SHTN1: variants seen among roughly 807,000 people sequenced by gnomAD.
SHTN1 encodes shootin 1.
Under a neutral mutation model 83.1 loss-of-function variants are expected in SHTN1, and 42 were observed. That is an observed-to-expected ratio of 0.51 (90% CI 0.39 to 0.65). The LOEUF (loss-of-function observed/expected upper bound fraction) is 0.65. SHTN1 is among the 30% of genes least tolerant of loss of function. The pLI, the probability that SHTN1 is intolerant of heterozygous loss-of-function variation, is 0.00. For synonymous variants in SHTN1, 224 were observed against 247.7 expected, an observed-to-expected ratio of 0.90 and a Z score of 0.90; for missense variants, 622 against 737.8, an observed-to-expected ratio of 0.84 and a Z score of 1.82.
chr10:117,050,223 ACAAT>A (rs997771410), intron 1 of SHTN1, among the ~76,000 whole-genome samples: 4 of 152,158 alleles, frequency 2.6e-5, no homozygotes, highest in African/African-American at 7.2e-5. Context: ...TCATTGGAAA[ACAAT>A]CAATAAAACT....
At chr10:117,020,815 G>C (rs1160933793) in intron 2 of SHTN1, among the ~76,000 whole-genome samples, 7 of 152,056 alleles carry the variant, frequency 4.6e-5, no homozygotes, top group Non-Finnish European at 1.0e-4. Flanking sequence ...AAATTTGACT[G>C]TAAAAATTAA....
At chr10:117,107,993 T>C (rs1295521428) in intron 1 of SHTN1, among the ~76,000 whole-genome samples, 1 of 152,176 alleles carries the variant, frequency 6.6e-6, no homozygotes, top group African/African-American at 2.4e-5. Flanking sequence ...ACCTGGCCTA[T>C]TAAAACTTTT....
chr10:116,884,094 C>G lies in SHTN1; in HGVS notation c.*2250G>C. 2.5e-6 allele frequency: 1 copy of G among 401,272 alleles called. No homozygotes were observed. The highest frequency in any genetic ancestry group is 2.7e-5 in the Admixed American group (1 of 37,322). 24.9% of individuals were successfully genotyped at this position (401,272 alleles called of 1,614,324 possible). A position where few individuals can be genotyped will look rare whatever the true frequency, so the allele number is the denominator to read the frequency against. On this transcript the variant is annotated 3_prime_UTR_variant, in exon 17 of 17. Transcript: ENST00000355371. ...CCCAAACAGAAGGAAGCATAAATAA[C>G]CTTTTAGAGAAATCAAAAACATAAA...
chr10:117,105,892 T>C (rs1853661856), intron 1 of SHTN1, among the ~76,000 whole-genome samples: 1 of 152,116 alleles, frequency 6.6e-6, no homozygotes, highest in African/African-American at 2.4e-5. Context: ...AGTGTGCCTG[T>C]TGTCCTAACT....
intron 14 of SHTN1, among the ~76,000 whole-genome samples, chr10:116,908,147 C>A (rs949926228): frequency 6.6e-6 from 1 of 151,432 alleles, no homozygotes; most frequent in Non-Finnish European, 1.5e-5. Flanking sequence ...AGGGAGGAAA[C>A]TGACTAACAA....
chr10:117,005,233 G>A (rs1364315928), upstream of SHTN1: 2 of 1,493,524 alleles, frequency 1.3e-6, no homozygotes, highest in Non-Finnish European at 1.8e-6. Context: ...CGCGGAGCGC[G>A]CGAGTGAGAT....
intron 1 of SHTN1, among the ~76,000 whole-genome samples, chr10:117,089,299 A>G (rs926584338): frequency 6.6e-6 from 1 of 152,204 alleles, no homozygotes. Context: ...ACCTTTATGT[A>G]AGTCATATCA....
intron 9 of SHTN1, among the ~76,000 whole-genome samples, chr10:116,935,450 T>C (rs541662814): frequency 1.3e-5 from 2 of 152,354 alleles, no homozygotes; most frequent in East Asian, 3.9e-4. Flanking sequence ...TGGTTCTGTT[T>C]ATGTGATGGA....
At chr10:117,020,013 CT>C (rs1301405664) in intron 2 of SHTN1, among the ~76,000 whole-genome samples, 1 of 151,982 alleles carries the variant, frequency 6.6e-6, no homozygotes, top group Non-Finnish European at 1.5e-5. Flanking sequence ...TTCCAGCAGG[CT>C]TTTTTGTAGA....
chr10:117,024,415 C>T (rs1187580840), intron 2 of SHTN1, among the ~76,000 whole-genome samples: 9 of 133,380 alleles, frequency 6.7e-5, no homozygotes, highest in Non-Finnish European at 1.2e-4. Flanking sequence ...AGTGCAGTGG[C>T]GCAGTCTCGG....
At chr10:116,995,710 C>T (rs541465465) in intron 1 of SHTN1, among the ~76,000 whole-genome samples, 18 of 152,070 alleles carry the variant, frequency 1.2e-4, no homozygotes, top group African/African-American at 2.9e-4. Flanking sequence ...ATGAGAATGT[C>T]GTATTTTCTG....
At chr10:116,900,411 CA>C in intron 16 of SHTN1, 1 of 804,476 alleles carries the variant, frequency 1.2e-6, no homozygotes, top group South Asian at 1.6e-5. Context: ...CAATTCAACA[CA>C]TATTTTGCAG....
intron 13 of SHTN1, among the ~76,000 whole-genome samples, chr10:116,912,792 C>A (rs939984176): frequency 6.6e-6 from 1 of 152,028 alleles, no homozygotes; most frequent in Non-Finnish European, 1.5e-5. Context: ...CCTCTTATTC[C>A]TGGAAAAGAG....
intron 1 of SHTN1, among the ~76,000 whole-genome samples, chr10:117,048,786 C>G (rs1490629995): frequency 1.3e-5 from 2 of 152,140 alleles, no homozygotes; most frequent in Non-Finnish European, 2.9e-5. Context: ...AGGTAATACC[C>G]AGCCATTAGC....
intron 2 of SHTN1, among the ~76,000 whole-genome samples, chr10:117,027,548 G>T (rs1440763968): frequency 6.6e-6 from 1 of 151,908 alleles, no homozygotes; most frequent in African/African-American, 2.4e-5. Flanking sequence ...GCACAGGCTG[G>T]AGTGCAGTGG....
At chr10:117,061,927 T>C (rs913891064) in intron 1 of SHTN1, among the ~76,000 whole-genome samples, 45 of 152,340 alleles carry the variant, frequency 3.0e-4, no homozygotes, top group African/African-American at 1.0e-3. Flanking sequence ...CTTTCTGAAT[T>C]GAAATGTAGG....
rs1348548048 is a variant in SHTN1, at chr10:116,960,171, T to A, written c.232A>T (p.Thr78Ser). ...AAAGCTTCAGCACTTTCTCGACAAG[T>A]CTTCTCTATTTCAAGATGGTTCTGC... ...FMQNHLEIEK[T>S]CRESAEALAT... Residue 78 changes from threonine to serine, a missense_variant, in exon 4 of 17, where the codon ACT becomes TCT. Physicochemically the swap from Thr to Ser is moderately conservative, Grantham distance 58 (BLOSUM62 1). Coordinates refer to ENST00000355371, the MANE Select transcript of SHTN1 (RefSeq NM_001127211.3). The A allele has an allele frequency of 6.2e-7, 1 of 1,611,812 alleles. No individual in the cohort carries two copies. Among genetic ancestry groups the A allele is most frequent in the South Asian group, 1.1e-5 (1 of 90,994 alleles).
At position 116,981,987 on chromosome 10, in the gene SHTN1, G is replaced by A. The variant is rs757774637; in HGVS notation, c.59-2679C>T. ...GCAGAAGAATCGCTTGATCCCGGGA[G>A]GCAGAGGTTGCAGTGAGCCAAGATT... On this transcript the variant is annotated intron_variant, in intron 1 of 16. Transcript: ENST00000355371. Among the ~76,000 whole-genome samples the A allele has an allele frequency of 1.2e-4, 18 of 152,178 alleles. 1 individual carries two copies. Among genetic ancestry groups the A allele is most frequent in the South Asian group, 8.3e-4 (4 of 4,830 alleles).
chr10:116,982,771 C>T (rs2133488996), intron 1 of SHTN1, among the ~76,000 whole-genome samples: 1 of 152,098 alleles, frequency 6.6e-6, no homozygotes, highest in Admixed American at 6.5e-5. Context: ...CCTGCCTGGC[C>T]AACATGGTGA....
Sources: gnomAD v4.1 joint callset for allele counts (sites outside exome capture counted in the v4.1 genomes callset) on GRCh38, gnomAD v4.1.1 for gene constraint, MANE v1.5 for transcripts, NCBI Gene and HGNC (gene_info 2026-07-23, HGNC 2026-07-21) for gene names.